Variants in CLUAP1 observed in about 807,000 individuals in gnomAD.
The protein encoded by CLUAP1 is clusterin-associated protein 1.
A neutral mutation model predicts 55.0 loss-of-function variants in CLUAP1; 50 were observed. The ratio of observed to expected loss-of-function variants is 0.91; its 90% CI spans 0.72 to 1.15. The LOEUF is 1.15. Ranked by LOEUF, CLUAP1 falls within the 50% of genes most tolerant of loss-of-function variation. CLUAP1 has a pLI of 0.00. For missense variants in CLUAP1, 530 were observed against 507.6 expected (o/e 1.04, Z -0.42); for synonymous variants, 195 against 175.4 (o/e 1.11, Z -0.88).
At chr16:3,533,290 C>A in intron 11 of CLUAP1, 1 of 708,486 alleles carries the variant, frequency 1.4e-6, no homozygotes, top group Admixed American at 2.5e-5. Context: ...CCTGTGGTGA[C>A]AGCGGGATCA....
chr16:3,523,033 A>G (rs773821017), intron 7 of CLUAP1, 125 bp from the exon 8 acceptor site: 1 of 670,022 alleles, frequency 1.5e-6, no homozygotes, highest in Admixed American at 3.9e-5. Flanking sequence ...CATTACAAGA[A>G]TGAAGGACCT....
In CLUAP1 at chr16:3,501,082, C is replaced by T. The variant is rs959093385; in HGVS notation, c.15C>T (p.Asp5=). The T allele has an allele frequency of 4.4e-6, 7 of 1,597,996 alleles. No homozygotes were observed. Among genetic ancestry groups the T allele is most frequent in the Non-Finnish European group, 2.5e-6 (3 of 1,176,612 alleles). The change falls in exon 1 of 12, where the codon GAC becomes GAT. Residue 5 remains aspartate, a synonymous_variant. Transcript: ENST00000576634. The part of the protein sequence containing the change: MSFR[D]LRNFTEMMRA... ...ACCTGAGCGTTATGTCTTTCCGCGA[C>T]CTCCGCAGTAAGGCAGCCCCGCGCC...
rs1337991902 is a variant in CLUAP1 at position 3,532,225 on chromosome 16, T to G, written c.1037-561T>G. Among the ~76,000 whole-genome samples the G allele has an allele frequency of 2.0e-5, 3 of 152,150 alleles. No homozygotes were observed. The East Asian group carries it at 5.8e-4, about 29-fold the overall frequency. On this transcript the variant is annotated intron_variant, in intron 10 of 11. Transcript: ENST00000576634. Reference sequence around the variant, plus strand: ...GGCGTTCTCGCATTGATATTTCCCCTCTTTTCCTTGTATATACATCTTTCT... The same window carrying G: ...GGCGTTCTCGCATTGATATTTCCCCGCTTTTCCTTGTATATACATCTTTCT...
rs186873360 is a variant in CLUAP1, at chr16:3,521,399, C to A, written c.713+1363C>A. ...CAATAATAAGAAAAAAGAAAAAGTTCAGCAAACCAGTATAGATTTTTATGG... is the reference window on the plus strand; with the variant it reads ...CAATAATAAGAAAAAAGAAAAAGTTAAGCAAACCAGTATAGATTTTTATGG... On this transcript the variant is annotated intron_variant, in intron 7 of 11. Coordinates refer to ENST00000576634, the MANE Select transcript of CLUAP1 (RefSeq NM_015041.3). 1.6e-3 allele frequency among the ~76,000 whole-genome samples: 241 copies of A among 151,554 alleles called. 2 individuals carry two copies. The highest frequency in any genetic ancestry group is 5.6e-3 in the African/African-American group (231 of 41,402).
At chr16:3,527,224 T>C (rs1336190137) in intron 9 of CLUAP1, among the ~76,000 whole-genome samples, 1 of 152,178 alleles carries the variant, frequency 6.6e-6, no homozygotes, top group African/African-American at 2.4e-5. Context: ...TAGATATGAT[T>C]ATATATGAAT....
rs368898553 is a variant in CLUAP1, at chr16:3,532,853, G to A, written c.1092+12G>A. 18 of 1,613,654 alleles carry A rather than the reference G, an allele frequency of 1.1e-5. No individual in the cohort carries two copies. In the African/African-American group the frequency reaches 1.3e-4, roughly 12 times the overall value. ...ACTCCGATGACAATGTAAGTCCCCCGCTCCCCTCAGTGGTTCTGTGCACTC... is the reference window on the plus strand; with the variant it reads ...ACTCCGATGACAATGTAAGTCCCCCACTCCCCTCAGTGGTTCTGTGCACTC... On this transcript the variant is annotated intron_variant, in intron 11 of 11. Coordinates refer to ENST00000576634, the MANE Select transcript of CLUAP1 (RefSeq NM_015041.3).
chr16:3,523,063 A>G, intron 7 of CLUAP1, 95 bp from the exon 8 acceptor site: 1 of 1,063,148 alleles, frequency 9.4e-7, no homozygotes, highest in Non-Finnish European at 1.3e-6. Flanking sequence ...AAGGGTTTCC[A>G]GAGAAAGCCA....
intron 10 of CLUAP1, among the ~76,000 whole-genome samples, chr16:3,532,073 A>T (rs1487038799): frequency 6.6e-6 from 1 of 151,986 alleles, no homozygotes; most frequent in African/African-American, 2.4e-5. Flanking sequence ...TCCCAACCTC[A>T]GGTGATCCAC....
At chr16:3,507,717 T>TGTGTGTGC (rs1177143244) in intron 3 of CLUAP1, among the ~76,000 whole-genome samples, 11 of 146,332 alleles carry the variant, frequency 7.5e-5, no homozygotes, top group African/African-American at 2.5e-4. Flanking sequence ...TGTGTGTGTG[T>TGTGTGTGC]GCAAATAAAA....
chr16:3,524,596 C>CAAA (rs755040158), intron 8 of CLUAP1, among the ~76,000 whole-genome samples: 431 of 34,144 alleles, frequency 0.013, 12 homozygotes, highest in African/African-American at 0.032. Flanking sequence ...GACACCATCT[C>CAAA]AAAAAAAAAA....
In CLUAP1 at chr16:3,506,427, C is replaced by G; in HGVS notation, c.219+12C>G. Reference sequence around the variant, plus strand: ...TTGCCCAGTTCATGGTTAGTGGACACTTATTTTGTGGAGTTGTAAAATTAA... The same window carrying G: ...TTGCCCAGTTCATGGTTAGTGGACAGTTATTTTGTGGAGTTGTAAAATTAA... On this transcript the variant is annotated intron_variant, in intron 3 of 11. Transcript: ENST00000576634. 1 of 1,598,568 alleles carries G rather than the reference C, an allele frequency of 6.3e-7. No individual in the cohort carries two copies. The highest frequency in any genetic ancestry group is 2.2e-5 in the East Asian group (1 of 44,806).
upstream of CLUAP1, among the ~76,000 whole-genome samples, chr16:3,500,742 C>T (rs2151036528): frequency 6.6e-6 from 1 of 152,334 alleles, no homozygotes; most frequent in South Asian, 2.1e-4. Context: ...CAATATCAAG[C>T]ACGTAGTAGG....
At chr16:3,508,047 G>A (rs578097409) in intron 3 of CLUAP1, among the ~76,000 whole-genome samples, 3 of 151,976 alleles carry the variant, frequency 2.0e-5, no homozygotes, top group African/African-American at 7.2e-5. Context: ...CTTAGATTTG[G>A]GATTGCTGGG....
intron 5 of CLUAP1, 99 bp downstream of exon 5, chr16:3,512,577 C>G: frequency 1.1e-6 from 1 of 916,880 alleles, no homozygotes; most frequent in Non-Finnish European, 1.7e-6. Flanking sequence ...TAATGAAATA[C>G]ACCTGGTTGA....
At chr16:3,530,439 A>T in intron 9 of CLUAP1, 129 bp from the exon 10 acceptor site, 1 of 685,202 alleles carries the variant, frequency 1.5e-6, no homozygotes, top group Non-Finnish European at 2.6e-6. Flanking sequence ...ATAAGGATTT[A>T]ATGTCTTAAT....
intron 10 of CLUAP1, among the ~76,000 whole-genome samples, chr16:3,531,454 G>A (rs948161521): frequency 1.3e-5 from 2 of 152,046 alleles, no homozygotes; most frequent in African/African-American, 2.4e-5. Flanking sequence ...CCCAGGAGGC[G>A]GAGCTTGCAG....
chr16:3,514,668 A>T (rs2037696767), intron 5 of CLUAP1, among the ~76,000 whole-genome samples: 1 of 152,236 alleles, frequency 6.6e-6, no homozygotes. Flanking sequence ...TAGCAGCTTC[A>T]GTGTCTGGCG....
At chr16:3,534,073 G>C (rs2038183212) in intron 11 of CLUAP1, 1 of 152,260 alleles carries the variant, frequency 6.6e-6, no homozygotes, top group Non-Finnish European at 1.5e-5. Context: ...CGTGTCTGTT[G>C]AGTGCCTGCC....
rs150182094 is a variant in CLUAP1, at chr16:3,516,220, A to G, written c.579+629A>G. 2.0e-3 allele frequency among the ~76,000 whole-genome samples: 312 copies of G among 152,320 alleles called. 4 individuals carry two copies. Among genetic ancestry groups the G allele is most frequent in the African/African-American group, 6.7e-3 (280 of 41,570 alleles). On this transcript the variant is annotated intron_variant, in intron 6 of 11. Transcript: ENST00000576634. ...ATATCAAGCCTCGTCTCTGATGCAC[A>G]ATTGATAATCAGTCATCACTGGTGA... is the stretch of plus-strand genomic sequence containing the variant.
Sources: gnomAD v4.1 joint callset for allele counts (sites outside exome capture counted in the v4.1 genomes callset) on GRCh38, gnomAD v4.1.1 for gene constraint, MANE v1.5 for transcripts, NCBI Gene and HGNC (gene_info 2026-07-23, HGNC 2026-07-21) for gene names.